The following MYEF2 variants were observed in gnomAD, a reference collection of about 807,000 sequenced individuals.
MYEF2 encodes the protein myelin expression factor 2.
Under a neutral mutation model 75.2 loss-of-function variants are expected in MYEF2, and 37 were observed. The observed-to-expected ratio is 0.49, with a 90% CI of 0.38 to 0.65. The LOEUF (loss-of-function observed/expected upper bound fraction) is 0.65, where lower values mean the gene tolerates loss of function less well. MYEF2 is among the 30% of genes least tolerant of loss of function. The pLI is 0.00. For missense variants in MYEF2, 634 were observed against 771.4 expected, an observed-to-expected ratio of 0.82 and a Z score of 2.11; for synonymous variants, 195 against 241.6, an observed-to-expected ratio of 0.81 and a Z score of 1.79.
At chr15:48,152,563 T>C (rs898384136) in intron 10 of MYEF2, 2 of 349,690 alleles carry the variant, frequency 5.7e-6, no homozygotes, top group East Asian at 9.5e-5. Flanking sequence ...AACTAGGTAA[T>C]CATTCACTTT....
chr15:48,156,553 T>A (rs921030429), intron 9 of MYEF2, among the ~76,000 whole-genome samples: 5 of 151,058 alleles, frequency 3.3e-5, no homozygotes, highest in Non-Finnish European at 5.9e-5. Flanking sequence ...AGTTAAAAAC[T>A]TCCCAGAAAC....
intron 16 of MYEF2, among the ~76,000 whole-genome samples, chr15:48,147,366 C>T (rs1189244484): frequency 1.8e-4 from 28 of 151,916 alleles, no homozygotes; most frequent in Non-Finnish European, 1.5e-5. Context: ...ATTGTCATTT[C>T]TTTGTCCTGC....
At chr15:48,176,219 T>TAAAAAAAAA (rs1023560411) in intron 1 of MYEF2, among the ~76,000 whole-genome samples, 3 of 63,098 alleles carry the variant, frequency 4.8e-5, no homozygotes, top group African/African-American at 1.1e-4. Context: ...GTTCACGAAG[T>TAAAAAAAAA]AAAAAAAAAA....
intron 10 of MYEF2, 71 bp downstream of exon 10, chr15:48,153,721 C>G: frequency 1.6e-6 from 2 of 1,214,966 alleles, no homozygotes; most frequent in Non-Finnish European, 2.4e-6. Flanking sequence ...TATTACAGAC[C>G]ACATCAATGG....
At chr15:48,143,360 TAAGTC>T (rs957016060) in intron 16 of MYEF2, among the ~76,000 whole-genome samples, 6 of 152,058 alleles carry the variant, frequency 3.9e-5, no homozygotes, top group African/African-American at 1.4e-4. Context: ...TTATAAGCAA[TAAGTC>T]AAGCTAGCAC....
intron 1 of MYEF2, among the ~76,000 whole-genome samples, chr15:48,174,774 A>T (rs1326036785): frequency 6.6e-6 from 1 of 152,116 alleles, no homozygotes; most frequent in Non-Finnish European, 1.5e-5. Flanking sequence ...TGACTTATCG[A>T]AAAGTCAAAA....
At chr15:48,160,854 T>C (rs554923516) in intron 5 of MYEF2, among the ~76,000 whole-genome samples, 1 of 131,846 alleles carries the variant, frequency 7.6e-6, no homozygotes, top group East Asian at 2.2e-4. Flanking sequence ...TTCTTCACTA[T>C]GAAGGAATAA....
intron 1 of MYEF2, among the ~76,000 whole-genome samples, chr15:48,175,344 C>T (rs1430431179): frequency 6.6e-6 from 1 of 152,028 alleles, no homozygotes; most frequent in Non-Finnish European, 1.5e-5. Context: ...GTTCTAAGGG[C>T]ACAAACTTTC....
Position 48,141,895 on chromosome 15 carries a change from G to A in MYEF2, c.*1013C>T. On this transcript the variant is annotated 3_prime_UTR_variant, in exon 17 of 17. Transcript: ENST00000324324. ...AAATTTAAAAATACAAATTCAGTAAGACTTTTGCTCTAACAACAATTTTTC... is the reference window on the plus strand; with the variant it reads ...AAATTTAAAAATACAAATTCAGTAAAACTTTTGCTCTAACAACAATTTTTC... 1 of 581,472 alleles carries A rather than the reference G, an allele frequency of 1.7e-6. No individual in the cohort carries two copies. The highest frequency in any genetic ancestry group is 2.8e-5 in the East Asian group (1 of 35,492). 36.0% of individuals were successfully genotyped at this position (581,472 alleles called of 1,614,324 possible).
chr15:48,135,115 G>C lies in MYEF2; in HGVS notation c.*7793C>G, dbSNP rs538570737. 2 of 647,438 alleles carry C rather than the reference G, an allele frequency of 3.1e-6. No homozygotes were observed. Among genetic ancestry groups the C allele is most frequent in the Non-Finnish European group, 5.4e-6 (2 of 371,948 alleles). The allele number at this position is 647,438 out of a possible 1,614,324, so 40.1% of individuals were successfully genotyped here. On this transcript the variant is annotated 3_prime_UTR_variant, in exon 17 of 17. Coordinates refer to ENST00000324324, the MANE Select transcript of MYEF2 (RefSeq NM_016132.5). ...TTCTATACCATATTCCAACAGGTCT[G>C]TGAGTTAACCTCATCACAATTGCTG...
chr15:48,177,462 C>T (rs2040578375), intron 1 of MYEF2, among the ~76,000 whole-genome samples: 1 of 152,044 alleles, frequency 6.6e-6, no homozygotes, highest in South Asian at 2.1e-4. Context: ...GCACATCGCA[C>T]ATTTCCCTTT....
At chr15:48,167,495 G>T in intron 2 of MYEF2, 94 bp from the exon 3 acceptor site, 1 of 1,105,254 alleles carries the variant, frequency 9.0e-7, no homozygotes, top group Non-Finnish European at 1.3e-6. Flanking sequence ...ACTCTACAGA[G>T]AAGCACCTAT....
At position 48,135,079 on chromosome 15, in the gene MYEF2, T is replaced by C; in HGVS notation, c.*7829A>G. 2 of 889,710 alleles carry C rather than the reference T, an allele frequency of 2.2e-6. No individual in the cohort carries two copies. Among genetic ancestry groups the C allele is most frequent in the Non-Finnish European group, 3.6e-6 (2 of 558,148 alleles). The allele number at this position is 889,710 out of a possible 1,614,324, so 55.1% of individuals were successfully genotyped here. On this transcript the variant is annotated 3_prime_UTR_variant, in exon 17 of 17. Transcript: ENST00000324324. The stretch of plus-strand genomic sequence containing the variant: ...TTTCAGAAATGTTATTTCAGTCACT[T>C]AATCTGCCACTTCTATACCATATTC...
chr15:48,139,037 A>G lies in MYEF2; in HGVS notation c.*3871T>C, dbSNP rs748402062. 1 of 1,613,102 alleles carries G rather than the reference A, an allele frequency of 6.2e-7. No homozygotes were observed. The highest frequency in any genetic ancestry group is 8.5e-7 in the Non-Finnish European group (1 of 1,179,294). On this transcript the variant is annotated 3_prime_UTR_variant, in exon 17 of 17. Transcript: ENST00000324324. Reference sequence around the variant, plus strand: ...AATTTTTTGGGTATTATCCCTTCCTATTATTACATTACTTTTTCTAACCAC... The same window carrying G: ...AATTTTTTGGGTATTATCCCTTCCTGTTATTACATTACTTTTTCTAACCAC...
chr15:48,171,155 A>C (rs747156053), intron 1 of MYEF2, among the ~76,000 whole-genome samples: 17 of 152,246 alleles, frequency 1.1e-4, no homozygotes, highest in Non-Finnish European at 2.1e-4. Flanking sequence ...AGTACCGCAG[A>C]TAGAAGAACA....
In MYEF2 at chr15:48,137,052, T is replaced by C. The variant is rs2038919286; in HGVS notation, c.*5856A>G. 7.2e-7 allele frequency: 1 copy of C among 1,396,234 alleles called. No individual in the cohort carries two copies. The highest frequency in any genetic ancestry group is 1.5e-5 in the South Asian group (1 of 68,246). 86.5% of individuals were successfully genotyped at this position (1,396,234 alleles called of 1,614,324 possible). The stretch of plus-strand genomic sequence containing the variant: ...TCAATTCAGCAAGTATTGTGTGCTT[T>C]TTATGTAAAAAAGACTGTGAAGACT... On this transcript the variant is annotated 3_prime_UTR_variant, in exon 17 of 17. Coordinates refer to ENST00000324324, the MANE Select transcript of MYEF2 (RefSeq NM_016132.5).
chr15:48,161,031 T>A (rs2039922026), intron 5 of MYEF2, among the ~76,000 whole-genome samples: 1 of 152,092 alleles, frequency 6.6e-6, no homozygotes, highest in African/African-American at 2.4e-5. Flanking sequence ...AGATATTTCT[T>A]CAACTAGTAT....
At chr15:48,144,661 G>A (rs2039213372) in intron 16 of MYEF2, among the ~76,000 whole-genome samples, 1 of 151,662 alleles carries the variant, frequency 6.6e-6, no homozygotes, top group Non-Finnish European at 1.5e-5. Context: ...AAATGAAACT[G>A]GAAAACACAT....
At chr15:48,144,149 C>T (rs79443233) in intron 16 of MYEF2, among the ~76,000 whole-genome samples, 4,099 of 151,842 alleles carry the variant, frequency 0.027, 198 homozygotes, top group African/African-American at 0.095. Context: ...GACAGCCAGA[C>T]ATATTTAGTT....
Sources: allele counts gnomAD v4.1 joint callset (sites outside exome capture counted in the v4.1 genomes callset), GRCh38; gene constraint gnomAD v4.1.1; transcripts MANE v1.5; gene names NCBI Gene and HGNC (gene_info 2026-07-23, HGNC 2026-07-21).